Variants in TRRAP observed in about 807,000 individuals in gnomAD.
TRRAP encodes the protein transformation/transcription domain-associated protein.
A neutral mutation model predicts 438.8 loss-of-function variants in TRRAP; 41 were observed. The ratio of observed to expected loss-of-function variants is 0.09; its 90% CI spans 0.07 to 0.12. TRRAP has a LOEUF of 0.12. Among genes scored for constraint, TRRAP ranks in the 10% least tolerant of loss-of-function variants. The probability of loss-of-function intolerance (pLI) is 1.00; values close to 1 mark genes in which losing one functional copy is unlikely to be tolerated. For synonymous variants in TRRAP, 1,994 were observed against 1,962.9 expected (o/e 1.02, Z -0.42); for missense variants, 3,122 against 5,055.1 (o/e 0.62, Z 11.60).
chr7:98,941,587 A>G (rs1554415616), intron 30 of TRRAP, among the ~76,000 whole-genome samples: 1 of 152,096 alleles, frequency 6.6e-6, no homozygotes, highest in Non-Finnish European at 1.5e-5. Flanking sequence ...GCTGTTGTCT[A>G]CCCCTTTAAT....
chr7:98,910,973 T>C lies in TRRAP; in HGVS notation c.1813-104T>C, dbSNP rs1390215029. On this transcript the variant is annotated intron_variant, in intron 16 of 72. Coordinates refer to ENST00000456197, the MANE Select transcript of TRRAP (RefSeq NM_001375524.1). ...GGAGGGGGACATTTGTTATCTAATT[T>C]AAGTGCTCTATTTTAAGTATGCAGC... The C allele has an allele frequency of 1.8e-5, 17 of 937,738 alleles. No homozygotes were observed. In the African/African-American group the frequency reaches 1.9e-4, roughly 10 times the overall value. The allele number at this position is 937,738 out of a possible 1,614,324, so 58.1% of individuals were successfully genotyped here. A position where few individuals can be genotyped will look rare whatever the true frequency, so the allele number is the denominator to read the frequency against.
At chr7:98,901,169 C>T (rs1004690554) in intron 11 of TRRAP, among the ~76,000 whole-genome samples, 4 of 152,372 alleles carry the variant, frequency 2.6e-5, no homozygotes, top group African/African-American at 9.6e-5. Context: ...TCTCACAGTT[C>T]TGGAGGCTGG....
intron 14 of TRRAP, among the ~76,000 whole-genome samples, chr7:98,909,732 G>A (rs1476550324): frequency 6.6e-6 from 1 of 152,150 alleles, no homozygotes; most frequent in African/African-American, 2.4e-5. Flanking sequence ...CAGTCACTCA[G>A]CCTTCCTGAG....
Position 98,956,141 on chromosome 7 carries a change from C to G in TRRAP, c.5938-5C>G. ...TCCGGCGTGATGCTGGCCCTGCGTC[C>G]GCAGGTGTACTACCCGGTACGGCAC... On this transcript the variant is annotated splice_polypyrimidine_tract_variant and splice_region_variant and intron_variant, in intron 41 of 72. Coordinates refer to ENST00000456197, the MANE Select transcript of TRRAP (RefSeq NM_001375524.1). This position sits in a 1 kb window ranked among gnomAD's most constrained non-coding sequence, Gnocchi z 4.5. 6.2e-7 allele frequency: 1 copy of G among 1,608,582 alleles called. No homozygotes were observed. Among genetic ancestry groups the G allele is most frequent in the Non-Finnish European group, 8.5e-7 (1 of 1,177,736 alleles).
At chr7:98,973,757 G>A (rs541802120) in intron 53 of TRRAP, among the ~76,000 whole-genome samples, 33 of 152,280 alleles carry the variant, frequency 2.2e-4, no homozygotes, top group African/African-American at 6.3e-4. Flanking sequence ...TCCCAGATGC[G>A]TGTCACAGAG....
At position 98,931,689 on chromosome 7, in the gene TRRAP, A is replaced by G. The variant is rs564194604; in HGVS notation, c.3852+24A>G. The G allele has an allele frequency of 4.1e-5, 66 of 1,594,902 alleles. No homozygotes were observed. The South Asian group carries it at 7.2e-4, about 17-fold the overall frequency. ...AGGTGAGATTTCTGTCACCAGAACC[A>G]AGGTAATTTCAACAAAACTTTTGAG... On this transcript the variant is annotated intron_variant, in intron 26 of 72. Transcript: ENST00000456197.
intron 27 of TRRAP, 152 bp from the exon 28 acceptor site, chr7:98,935,427 C>A: frequency 1.7e-6 from 1 of 603,900 alleles, no homozygotes; most frequent in Non-Finnish European, 2.7e-6. Context: ...CTCAGTCATA[C>A]TTTGATACTT....
In TRRAP at chr7:98,999,168, G is replaced by T. The variant is rs531876462; in HGVS notation, c.10309+4320G>T. 10 of 1,580,668 alleles carry T rather than the reference G, an allele frequency of 6.3e-6. No homozygotes were observed. The East Asian group carries it at 1.1e-4, about 18-fold the overall frequency. On this transcript the variant is annotated intron_variant, in intron 67 of 72. Coordinates refer to ENST00000456197, the MANE Select transcript of TRRAP (RefSeq NM_001375524.1). ...TGAGGCATTGAACCTGGCCATCTCT[G>T]ATCTGGATTTCAAAGCAGTCCTTCA...
In TRRAP at chr7:98,967,760, C is replaced by G. The variant is rs138495678; in HGVS notation, c.7512+62C>G. 284 of 1,499,692 alleles carry G rather than the reference C, an allele frequency of 1.9e-4. 4 individuals are homozygous for G. In the East Asian group the frequency reaches 4.8e-3, roughly 25 times the overall value. The allele number at this position is 1,499,692 out of a possible 1,614,324, so 92.9% of individuals were successfully genotyped here. On this transcript the variant is annotated intron_variant, in intron 51 of 72. Coordinates refer to ENST00000456197, the MANE Select transcript of TRRAP (RefSeq NM_001375524.1). ...GCTGTGGGTTTTCTGAGTTGGGGCT[C>G]CAAAGCCAGGAGGTGTTCACACACA...
chr7:98,933,460 GT>G, intron 27 of TRRAP, 58 bp downstream of exon 27: 1 of 1,554,174 alleles, frequency 6.4e-7, no homozygotes, highest in Non-Finnish European at 8.7e-7. Context: ...CTGCTAGCCT[GT>G]CTTTGTACGC....
intron 21 of TRRAP, among the ~76,000 whole-genome samples, chr7:98,923,656 C>T (rs546223627): frequency 5.0e-4 from 76 of 152,344 alleles, no homozygotes; most frequent in South Asian, 3.9e-3. Context: ...CCTCGAAGAG[C>T]ACGGACACTC....
chr7:98,954,453 A>G (rs186317352), intron 40 of TRRAP, among the ~76,000 whole-genome samples: 4 of 152,330 alleles, frequency 2.6e-5, no homozygotes, highest in Admixed American at 2.6e-4. Flanking sequence ...ACCCCAATCA[A>G]GCCAGAGGTC....
intron 19 of TRRAP, 57 bp from the exon 20 acceptor site, chr7:98,917,366 C>G (rs747119149): frequency 6.3e-7 from 1 of 1,582,066 alleles, no homozygotes; most frequent in Non-Finnish European, 8.6e-7. Flanking sequence ...TGTGTTTCAC[C>G]TGGGCCCGAG....
rs1298272213 is a variant in TRRAP, at chr7:98,908,322, A to T, written c.1116-406A>T. ...GTGTCCTTGTGTTTAGTGAGGGAAA[A>T]AACTAGTAGCCTGAAAATTCTTACT... On this transcript the variant is annotated intron_variant, in intron 13 of 72. Transcript: ENST00000456197. The surrounding 1 kb of genome is among the most constrained non-coding windows in gnomAD (Gnocchi z 4.1). 2.6e-5 allele frequency among the ~76,000 whole-genome samples: 4 copies of T among 152,176 alleles called. No individual in the cohort carries two copies. Among genetic ancestry groups the T allele is most frequent in the Non-Finnish European group, 5.9e-5 (4 of 68,038 alleles).
In TRRAP at chr7:98,953,198, T is replaced by C. The variant is rs1554418652; in HGVS notation, c.5495T>C (p.Leu1832Pro). ...GACCCCGAGAAGCAGGCGGACATGC[T>C]GGACTCGCTGCGGATCTACCTGCTG... The part of the protein sequence containing the change: ...VLDPEKQADM[L>P]DSLRIYLLQY... Residue 1832 changes from leucine (L) to proline (P), a missense_variant, in exon 40 of 73, where the codon CTG (leucine) becomes CCG (proline). By Grantham distance (98) the Leu-to-Pro change is moderately conservative (BLOSUM62 -3). This residue lies in a region of TRRAP where 272 missense variants were observed against 348.5 expected (regional missense o/e 0.78). Coordinates refer to ENST00000456197, the MANE Select transcript of TRRAP (RefSeq NM_001375524.1). 4 of 1,612,732 alleles carry C rather than the reference T, an allele frequency of 2.5e-6. No homozygotes were observed. Among genetic ancestry groups the C allele is most frequent in the Non-Finnish European group, 3.4e-6 (4 of 1,179,860 alleles).
chr7:98,929,095 C>T (rs1009380357), intron 23 of TRRAP, among the ~76,000 whole-genome samples: 5 of 151,960 alleles, frequency 3.3e-5, no homozygotes, highest in African/African-American at 4.8e-5. Context: ...CCTACCACCA[C>T]GCCCGGGTAA....
At chr7:98,911,582 A>G (rs1789277785) in intron 17 of TRRAP, among the ~76,000 whole-genome samples, 1 of 152,072 alleles carries the variant, frequency 6.6e-6, no homozygotes, top group South Asian at 2.1e-4. Context: ...CCTGGGCAAC[A>G]ATGGTGAAAC....
chr7:98,965,790 C>A lies in TRRAP; in HGVS notation c.7071C>A (p.Ile2357=). Residue 2357 remains isoleucine (I), a synonymous_variant, in exon 49 of 73, where the codon ATC becomes ATA. Coordinates refer to ENST00000456197, the MANE Select transcript of TRRAP (RefSeq NM_001375524.1). ...TGCGGAAGAACTTCATCCAGGCCATCCTGACATCCCTCATCGAAAAATCAC... is the reference window on the plus strand; with the variant it reads ...TGCGGAAGAACTTCATCCAGGCCATACTGACATCCCTCATCGAAAAATCAC... ...MEMRKNFIQA[I]LTSLIEKSPD... 1.2e-6 allele frequency: 2 copies of A among 1,614,080 alleles called. No homozygotes were observed. Among genetic ancestry groups the A allele is most frequent in the Non-Finnish European group, 1.7e-6 (2 of 1,180,014 alleles).
intron 23 of TRRAP, among the ~76,000 whole-genome samples, chr7:98,929,283 T>A (rs1240700495): frequency 1.3e-5 from 2 of 152,172 alleles, no homozygotes; most frequent in Non-Finnish European, 2.9e-5. Context: ...GAGATGCATC[T>A]CATTATGTTG....
Sources: allele counts gnomAD v4.1 joint callset (sites outside exome capture counted in the v4.1 genomes callset), GRCh38; gene constraint gnomAD v4.1.1; regional missense constraint gnomAD v4.1.1; non-coding constraint Gnocchi (gnomAD v3.1); transcripts MANE v1.5; gene names NCBI Gene and HGNC (gene_info 2026-07-23, HGNC 2026-07-21).